Variants in TMEM178B observed in about 807,000 individuals in gnomAD.
TMEM178B encodes the protein transmembrane protein 178B.
In TMEM178B, 5 loss-of-function variants were observed where a neutral mutation model predicts 31.0. The ratio of observed to expected loss-of-function variants is 0.16; its 90% CI spans 0.08 to 0.34. The LOEUF is 0.34. TMEM178B is among the 10% of genes least tolerant of loss of function. TMEM178B has a pLI of 1.00. For synonymous variants in TMEM178B, 164 were observed against 164.0 expected, an observed-to-expected ratio of 1.00 and a Z score of 0.00; for missense variants, 275 against 400.3, an observed-to-expected ratio of 0.69 and a Z score of 2.67.
At chr7:141,105,677 C>T (rs186019756) in intron 1 of TMEM178B, among the ~76,000 whole-genome samples, 6 of 152,268 alleles carry the variant, frequency 3.9e-5, no homozygotes, top group Admixed American at 3.9e-4. Context: ...TAGGGGAAAA[C>T]CTAAAATGCT....
intron 2 of TMEM178B, among the ~76,000 whole-genome samples, chr7:141,233,412 C>G (rs1171123759): frequency 6.6e-6 from 1 of 152,194 alleles, no homozygotes; most frequent in South Asian, 2.1e-4. Context: ...TGCGTGAGCA[C>G]TGTTCTGAGA....
intron 2 of TMEM178B, among the ~76,000 whole-genome samples, chr7:141,377,612 A>G (rs1473636156): frequency 6.6e-6 from 1 of 152,150 alleles, no homozygotes; most frequent in South Asian, 2.1e-4. Context: ...TGGAAGTTGC[A>G]GTGAGCCAAG....
At chr7:141,506,640 C>A in the TMEM178B span, among the ~76,000 whole-genome samples, 1 of 152,132 alleles carries the variant, frequency 6.6e-6, no homozygotes, top group Non-Finnish European at 1.5e-5. Flanking sequence ...GGGGACACAG[C>A]CAAACCATAC....
At chr7:141,228,120 G>A (rs559736900) in intron 2 of TMEM178B, among the ~76,000 whole-genome samples, 154 of 152,188 alleles carry the variant, frequency 1.0e-3, no homozygotes, top group Non-Finnish European at 8.5e-4. Context: ...TGCATGAATC[G>A]TGTATCTTTT....
chr7:141,298,746 A>T (rs1200025995), intron 2 of TMEM178B, among the ~76,000 whole-genome samples: 1 of 152,242 alleles, frequency 6.6e-6, no homozygotes, highest in Non-Finnish European at 1.5e-5. Flanking sequence ...ACAAGTAAAT[A>T]TGGTGAAAAG....
chr7:141,349,735 G>A (rs1490047239), intron 2 of TMEM178B, among the ~76,000 whole-genome samples: 1 of 152,214 alleles, frequency 6.6e-6, no homozygotes, highest in East Asian at 1.9e-4. Flanking sequence ...AGGGGAAGAA[G>A]CTATAATAAC....
At chr7:141,307,879 G>A (rs1472494689) in intron 2 of TMEM178B, among the ~76,000 whole-genome samples, 1 of 152,150 alleles carries the variant, frequency 6.6e-6, no homozygotes, top group African/African-American at 2.4e-5. Context: ...CTTTAAGTTT[G>A]GTCACATTGT....
rs1799588764 is a variant in TMEM178B, at chr7:141,344,722, A to G, written c.497-92886A>G. On this transcript the variant is annotated intron_variant, in intron 2 of 3. Transcript: ENST00000565468. This position sits in a 1 kb window ranked among gnomAD's most constrained non-coding sequence, Gnocchi z 4.1. ...GACACAGAAGGTACAGCACCCCCCA[A>G]CACACACACACCAGGCCCCTAGGAA... Among the ~76,000 whole-genome samples, 1 of 151,842 alleles carries G rather than the reference A, an allele frequency of 6.6e-6. No homozygotes were observed. The highest frequency in any genetic ancestry group is 2.4e-5 in the African/African-American group (1 of 41,324).
intron 2 of TMEM178B, among the ~76,000 whole-genome samples, chr7:141,435,192 A>C (rs931472762): frequency 6.6e-5 from 10 of 152,384 alleles, no homozygotes; most frequent in African/African-American, 2.4e-4. Flanking sequence ...TCATATGCAG[A>C]GGAATGAAAC....
At chr7:141,288,705 A>T (rs1798492803) in intron 2 of TMEM178B, among the ~76,000 whole-genome samples, 1 of 152,132 alleles carries the variant, frequency 6.6e-6, no homozygotes, top group South Asian at 2.1e-4. Context: ...TATGAGCTCC[A>T]GTGCGGTTGT....
chr7:141,284,543 C>T (rs1186366260), intron 2 of TMEM178B, among the ~76,000 whole-genome samples: 6 of 152,262 alleles, frequency 3.9e-5, no homozygotes, highest in East Asian at 1.9e-4. Flanking sequence ...GTTAGGAAGA[C>T]GACTTTTCTG....
chr7:141,242,297 A>G (rs1797635557), intron 2 of TMEM178B, among the ~76,000 whole-genome samples: 2 of 152,330 alleles, frequency 1.3e-5, no homozygotes, highest in Admixed American at 1.3e-4. Context: ...ATTACATCAA[A>G]GTCGAAATTT....
chr7:141,434,409 C>G (rs1801495811), intron 2 of TMEM178B, among the ~76,000 whole-genome samples: 1 of 152,178 alleles, frequency 6.6e-6, no homozygotes, highest in African/African-American at 2.4e-5. Flanking sequence ...GATAGGATTT[C>G]TCCTAGAAAG....
chr7:141,382,900 C>T (rs556699710), intron 2 of TMEM178B, among the ~76,000 whole-genome samples: 60 of 152,302 alleles, frequency 3.9e-4, no homozygotes, highest in Non-Finnish European at 7.9e-4. Flanking sequence ...ATCACAGCAA[C>T]ATTTACCAGT....
intron 1 of TMEM178B, among the ~76,000 whole-genome samples, chr7:141,105,983 T>C (rs539035127): frequency 3.9e-4 from 59 of 150,538 alleles, no homozygotes; most frequent in African/African-American, 1.4e-3. Context: ...TGGTCCCGGC[T>C]ACTTGGGAGA....
At chr7:141,205,994 A>G (rs752321918) in intron 1 of TMEM178B, among the ~76,000 whole-genome samples, 1 of 152,224 alleles carries the variant, frequency 6.6e-6, no homozygotes, top group Non-Finnish European at 1.5e-5. Flanking sequence ...GGGAAAATTT[A>G]TACTTGATAG....
chr7:141,203,289 G>A (rs578094043), intron 1 of TMEM178B, among the ~76,000 whole-genome samples: 3 of 152,012 alleles, frequency 2.0e-5, no homozygotes, highest in Admixed American at 6.6e-5. Flanking sequence ...TATATTAAGT[G>A]CAGGGGATTA....
intron 2 of TMEM178B, among the ~76,000 whole-genome samples, chr7:141,366,157 T>A (rs1006963315): frequency 6.6e-6 from 1 of 152,220 alleles, no homozygotes; most frequent in Non-Finnish European, 1.5e-5. Context: ...TTTGGAGCTA[T>A]CATAAAAATA....
At chr7:141,215,786 C>CTT (rs1342144327) in intron 2 of TMEM178B, among the ~76,000 whole-genome samples, 15 of 37,308 alleles carry the variant, frequency 4.0e-4, no homozygotes, top group African/African-American at 1.7e-3. Flanking sequence ...TCCTTTCTTT[C>CTT]TTTCTTTCTT....
Sources: gnomAD v4.1 joint callset for allele counts (sites outside exome capture counted in the v4.1 genomes callset) on GRCh38, gnomAD v4.1.1 for gene constraint, Gnocchi (gnomAD v3.1) non-coding constraint, MANE v1.5 for transcripts, NCBI Gene and HGNC (gene_info 2026-07-23, HGNC 2026-07-21) for gene names.